ATG16L1: variants seen among roughly 807,000 people sequenced by gnomAD.
The protein encoded by ATG16L1 is autophagy-related protein 16-1.
Under a neutral mutation model 88.5 loss-of-function variants are expected in ATG16L1, and 37 were observed. The observed-to-expected ratio is 0.42, with a 90% CI of 0.32 to 0.55. The LOEUF (loss-of-function observed/expected upper bound fraction) is 0.55. Ranked by LOEUF, ATG16L1 falls within the 20% of genes least tolerant of loss-of-function variation. The pLI, the probability that ATG16L1 is intolerant of heterozygous loss-of-function variation, is 0.13. For synonymous variants in ATG16L1, 301 were observed against 281.0 expected (o/e 1.07, Z -0.71); for missense variants, 554 against 752.8 (o/e 0.74, Z 3.09).
chr2:233,275,888 T>G (rs552287165), intron 9 of ATG16L1: 31 of 519,246 alleles, frequency 6.0e-5, no homozygotes, highest in African/African-American at 6.0e-4. Flanking sequence ...TGTGTGTTTC[T>G]GAGAGTGATC....
In ATG16L1 at chr2:233,295,024, G is replaced by A. The variant is rs774018480; in HGVS notation, c.*674G>A. 8 of 152,408 alleles carry A rather than the reference G, an allele frequency of 5.2e-5. No individual in the cohort carries two copies. Among genetic ancestry groups the A allele is most frequent in the Non-Finnish European group, 1.0e-4 (7 of 68,066 alleles). 9.4% of individuals were successfully genotyped at this position (152,408 alleles called of 1,614,324 possible). On this transcript the variant is annotated 3_prime_UTR_variant, in exon 18 of 18. Coordinates refer to ENST00000392017, the MANE Select transcript of ATG16L1 (RefSeq NM_030803.7). ...GTTTTTTTGAGGTGGGAGAGGATGT[G>A]TGAAAATCTTTTCCAGGGAAATGGG...
At chr2:233,287,320 T>G (rs1358675343) in intron 12 of ATG16L1, among the ~76,000 whole-genome samples, 1 of 152,192 alleles carries the variant, frequency 6.6e-6, no homozygotes, top group Non-Finnish European at 1.5e-5. Context: ...AGTATAATTG[T>G]GTAAAGATTA....
intron 5 of ATG16L1, among the ~76,000 whole-genome samples, chr2:233,266,750 GGATA>G (rs1249031944): frequency 6.6e-6 from 1 of 152,094 alleles, no homozygotes; most frequent in African/African-American, 2.4e-5. Context: ...TTGGCTTAAT[GGATA>G]AAGAAAATGT....
chr2:233,289,413 G>A (rs1056909823), intron 12 of ATG16L1, among the ~76,000 whole-genome samples: 1 of 151,450 alleles, frequency 6.6e-6, no homozygotes, highest in Non-Finnish European at 1.5e-5. Context: ...GTGTGTGACA[G>A]GATCTTGCTA....
intron 12 of ATG16L1, chr2:233,288,552 G>T: frequency 3.1e-6 from 1 of 324,006 alleles, no homozygotes; most frequent in Non-Finnish European, 6.2e-6. Context: ...AAAGTGCTAG[G>T]ATTACCAGTG....
intron 2 of ATG16L1, among the ~76,000 whole-genome samples, chr2:233,258,064 T>C (rs1411657821): frequency 2.0e-5 from 3 of 151,816 alleles, no homozygotes; most frequent in African/African-American, 7.3e-5. Context: ...TCTCTTGGTG[T>C]GTATTGATAG....
chr2:233,280,922 C>G lies in ATG16L1; in HGVS notation c.1061-183C>G, dbSNP rs188845592. 1.7e-4 allele frequency among the ~76,000 whole-genome samples: 26 copies of G among 152,320 alleles called. No homozygotes were observed. The East Asian group carries it at 4.8e-3, about 28-fold the overall frequency. ...CTTAGACTTGCATTCCTCTTAGAAACTAGCAGTATCTTTTATCTCTCATGT... is the reference window on the plus strand; with the variant it reads ...CTTAGACTTGCATTCCTCTTAGAAAGTAGCAGTATCTTTTATCTCTCATGT... On this transcript the variant is annotated intron_variant, in intron 10 of 17. Transcript: ENST00000392017.
chr2:233,283,867 C>T (rs1456619881), intron 12 of ATG16L1, among the ~76,000 whole-genome samples: 1 of 149,134 alleles, frequency 6.7e-6, no homozygotes, highest in Non-Finnish European at 1.5e-5. Context: ...TTTTTGAAGG[C>T]AGAGTCTTGC....
chr2:233,284,613 T>C (rs1698953268), intron 12 of ATG16L1, among the ~76,000 whole-genome samples: 1 of 152,230 alleles, frequency 6.6e-6, no homozygotes, highest in Non-Finnish European at 1.5e-5. Flanking sequence ...ATTACAGGCC[T>C]GAGCCACTGC....
At position 233,264,080 on chromosome 2, in the gene ATG16L1, C is replaced by T. The variant is rs199869044; in HGVS notation, c.389+15C>T. The T allele has an allele frequency of 1.9e-3, 3,086 of 1,613,530 alleles. 7 individuals carry two copies. The highest frequency in any genetic ancestry group is 2.5e-3 in the Non-Finnish European group (2,939 of 1,179,584). ...AATGAAGCAAAGTGAGTAGAGACCCCGCCTCCTTGGAGCCTGGTCATTGGG... is the reference window on the plus strand; with the variant it reads ...AATGAAGCAAAGTGAGTAGAGACCCTGCCTCCTTGGAGCCTGGTCATTGGG... On this transcript the variant is annotated intron_variant, in intron 4 of 17. Transcript: ENST00000392017.
At position 233,281,099 on chromosome 2, in the gene ATG16L1, A is replaced by C; in HGVS notation, c.1061-6A>C. The C allele has an allele frequency of 6.3e-7, 1 of 1,578,902 alleles. No homozygotes were observed. Among genetic ancestry groups the C allele is most frequent in the Non-Finnish European group, 8.6e-7 (1 of 1,166,312 alleles). ...CCCATCATCCTAATTTTTTCTTTTT[A>C]TACAGAAAAATGTGAGTTCAAGGGT... On this transcript the variant is annotated splice_polypyrimidine_tract_variant and splice_region_variant and intron_variant, in intron 10 of 17. Coordinates refer to ENST00000392017, the MANE Select transcript of ATG16L1 (RefSeq NM_030803.7).
At position 233,253,332 on chromosome 2, in the gene ATG16L1, G is replaced by GTTTTTTTTTTTT. The variant is rs570754671; in HGVS notation, c.115+1397_115+1398insTTTTTTTTTTTT. 1.2e-4 allele frequency among the ~76,000 whole-genome samples: 14 copies of GTTTTTTTTTTTT among 112,910 alleles called. 2 individuals carry two copies. The highest frequency in any genetic ancestry group is 1.7e-4 in the African/African-American group (5 of 30,128). 74.1% of individuals were successfully genotyped at this position (112,910 alleles called of 152,430 possible). A position where few individuals can be genotyped will look rare whatever the true frequency, so the allele number is the denominator to read the frequency against. On this transcript the variant is annotated intron_variant, in intron 1 of 17. Transcript: ENST00000392017. ...CACAGCAGGTTAATGGTGAGACTGG[G>GTTTTTTTTTTTT]TTTTTTTGTTTTTTTTTTTTTTTTT...
At chr2:233,273,377 C>G (rs559638186) in intron 7 of ATG16L1, 1 of 490,070 alleles carries the variant, frequency 2.0e-6, no homozygotes, top group Admixed American at 3.8e-5. Context: ...AGGGCTTCCC[C>G]CCGCCCGCAC....
At chr2:233,276,228 C>T (rs754791380) in intron 9 of ATG16L1, among the ~76,000 whole-genome samples, 42 of 152,194 alleles carry the variant, frequency 2.8e-4, no homozygotes, top group Non-Finnish European at 5.6e-4. Context: ...ATCACATATT[C>T]TCTTCCCCAA....
At chr2:233,266,605 G>A (rs963281634) in intron 5 of ATG16L1, among the ~76,000 whole-genome samples, 3 of 152,262 alleles carry the variant, frequency 2.0e-5, no homozygotes, top group African/African-American at 7.2e-5. Flanking sequence ...AATAAATGAC[G>A]ATAGGAAAGA....
In ATG16L1 at chr2:233,263,037, T is replaced by C. The variant is rs999004108; in HGVS notation, c.210-93T>C. On this transcript the variant is annotated intron_variant, in intron 2 of 17. Transcript: ENST00000392017. ...CTTTGTGAACATGTTTCTGGAGTTA[T>C]GGTTTCATTGCCTAATTGGAAAGGT... The C allele has an allele frequency of 1.8e-5, 19 of 1,070,486 alleles. No homozygotes were observed. In the Admixed American group the frequency reaches 2.6e-4, roughly 15 times the overall value. The allele number at this position is 1,070,486 out of a possible 1,614,324, so 66.3% of individuals were successfully genotyped here.
At chr2:233,271,836 A>T (rs187915387) in intron 6 of ATG16L1, among the ~76,000 whole-genome samples, 95 of 152,298 alleles carry the variant, frequency 6.2e-4, no homozygotes, top group Non-Finnish European at 1.0e-3. Flanking sequence ...GCAAACCTAG[A>T]TCCCTGGGAA....
At chr2:233,264,820 C>A in intron 4 of ATG16L1, 72 bp from the exon 5 acceptor site, 1 of 1,578,232 alleles carries the variant, frequency 6.3e-7, no homozygotes, top group Non-Finnish European at 8.6e-7. Flanking sequence ...GTTAAGCACT[C>A]AGCCAGGTCC....
At chr2:233,271,947 A>G (rs143659165) in intron 6 of ATG16L1, among the ~76,000 whole-genome samples, 6 of 152,354 alleles carry the variant, frequency 3.9e-5, no homozygotes, top group African/African-American at 1.4e-4. Context: ...ATAATTACAC[A>G]TAGTCCTGGA....
Sources: gnomAD v4.1 joint callset for allele counts (sites outside exome capture counted in the v4.1 genomes callset) on GRCh38, gnomAD v4.1.1 for gene constraint, MANE v1.5 for transcripts, NCBI Gene and HGNC (gene_info 2026-07-23, HGNC 2026-07-21) for gene names.